PCED1B: variants seen among roughly 807,000 people sequenced by gnomAD.
PCED1B encodes PC-esterase domain-containing protein 1B.
For synonymous variants in PCED1B, 251 were observed against 246.1 expected (o/e 1.02, Z -0.19); for missense variants, 573 against 573.9 (o/e 1.00, Z 0.02).
intron 2 of PCED1B, among the ~76,000 whole-genome samples, chr12:47,202,669 T>C (rs1942802744): frequency 6.6e-6 from 1 of 150,482 alleles, no homozygotes; most frequent in African/African-American, 2.4e-5. Context: ...GTTTTACCTA[T>C]GCAGTAACTT....
intron 3 of PCED1B, among the ~76,000 whole-genome samples, chr12:47,217,043 T>C (rs1299228842): frequency 1.3e-5 from 2 of 152,168 alleles, no homozygotes; most frequent in Non-Finnish European, 2.9e-5. Flanking sequence ...TCTTATAAAA[T>C]GGATGACCTT....
chr12:47,124,089 A>T (rs949847971), intron 2 of PCED1B, among the ~76,000 whole-genome samples: 12 of 152,138 alleles, frequency 7.9e-5, no homozygotes, highest in African/African-American at 2.9e-4. Flanking sequence ...TCACACATGT[A>T]TACTGCCCAC....
At chr12:47,213,338 T>C (rs1218037781) in intron 2 of PCED1B, among the ~76,000 whole-genome samples, 1 of 149,474 alleles carries the variant, frequency 6.7e-6, no homozygotes, top group East Asian at 2.0e-4. Context: ...ATCAAAAATA[T>C]GTGGACTGTT....
intron 2 of PCED1B, among the ~76,000 whole-genome samples, chr12:47,142,319 C>G (rs1425727736): frequency 1.3e-5 from 2 of 152,120 alleles, no homozygotes; most frequent in African/African-American, 4.8e-5. Flanking sequence ...ATGGACCTAA[C>G]AAGAGGTCTT....
intron 3 of PCED1B, among the ~76,000 whole-genome samples, chr12:47,219,296 T>C (rs1210284684): frequency 1.3e-5 from 2 of 152,138 alleles, no homozygotes; most frequent in African/African-American, 4.8e-5. Context: ...GGAGCATAGG[T>C]GCTATTTCCC....
At chr12:47,133,055 T>C (rs1406806831) in intron 2 of PCED1B, among the ~76,000 whole-genome samples, 1 of 152,232 alleles carries the variant, frequency 6.6e-6, no homozygotes, top group Non-Finnish European at 1.5e-5. Flanking sequence ...TTCCCCTGTT[T>C]CTTACAAAGG....
intron 2 of PCED1B, among the ~76,000 whole-genome samples, chr12:47,179,651 T>C (rs1942033740): frequency 6.6e-6 from 1 of 152,200 alleles, no homozygotes; most frequent in African/African-American, 2.4e-5. Flanking sequence ...TGCTTCATAA[T>C]TCTGAACATC....
intron 2 of PCED1B, among the ~76,000 whole-genome samples, chr12:47,195,343 A>G (rs563556049): frequency 1.1e-4 from 17 of 149,812 alleles, no homozygotes; most frequent in African/African-American, 4.1e-4. Flanking sequence ...AAAAAAAAAG[A>G]AAAAAAGAAA....
At chr12:47,178,879 A>G (rs943926347) in intron 2 of PCED1B, among the ~76,000 whole-genome samples, 3 of 151,860 alleles carry the variant, frequency 2.0e-5, no homozygotes, top group Admixed American at 6.6e-5. Context: ...AAAAAAAAAA[A>G]AAAAGAAAAG....
Position 47,090,516 on chromosome 12 carries a change from A to G in PCED1B, c.-609+10791A>G, listed in dbSNP as rs532000857. ...CATGTACCATGCATAGAACCGGAGT[A>G]CCAGAGTAAAGGCAACCACACCCTT... On this transcript the variant is annotated intron_variant, in intron 1 of 3. Coordinates refer to ENST00000546455, the MANE Select transcript of PCED1B (RefSeq NM_138371.3). Among the ~76,000 whole-genome samples the G allele has an allele frequency of 9.2e-5, 14 of 152,306 alleles. No individual in the cohort carries two copies. The East Asian group carries it at 1.9e-3, about 21-fold the overall frequency.
chr12:47,114,094 T>C (rs1053868259), intron 2 of PCED1B, among the ~76,000 whole-genome samples: 7 of 152,166 alleles, frequency 4.6e-5, no homozygotes, highest in Admixed American at 3.3e-4. Flanking sequence ...TGACTACAGA[T>C]TTACTGGGCT....
chr12:47,171,065 CT>C (rs71437788), intron 2 of PCED1B, among the ~76,000 whole-genome samples: 1,529 of 121,318 alleles, frequency 0.013, 12 homozygotes, highest in African/African-American at 0.04. Context: ...GCCAGGTTAC[CT>C]TTTTTTTTTT....
intron 2 of PCED1B, among the ~76,000 whole-genome samples, chr12:47,109,355 CTTT>C (rs66532090): frequency 0.015 from 2,215 of 147,360 alleles, 41 homozygotes; most frequent in African/African-American, 0.039. Flanking sequence ...ACTTGAAAAA[CTTT>C]TTTTTTTTTT....
At chr12:47,136,832 A>C (rs1940392609) in intron 2 of PCED1B, among the ~76,000 whole-genome samples, 1 of 152,206 alleles carries the variant, frequency 6.6e-6, no homozygotes, top group African/African-American at 2.4e-5. Context: ...CTAGAAGACA[A>C]GTCATAGTTC....
At chr12:47,126,486 G>T (rs1325601740) in intron 2 of PCED1B, among the ~76,000 whole-genome samples, 1 of 151,978 alleles carries the variant, frequency 6.6e-6, no homozygotes, top group Admixed American at 6.6e-5. Context: ...CAACATCTTT[G>T]GTTTTGGTAT....
At chr12:47,103,168 A>T (rs1938791121) in intron 1 of PCED1B, among the ~76,000 whole-genome samples, 1 of 152,212 alleles carries the variant, frequency 6.6e-6, no homozygotes, top group Non-Finnish European at 1.5e-5. Context: ...GGACTGTCTG[A>T]ATCTCCATGA....
chr12:47,122,950 G>C (rs75842462), intron 2 of PCED1B, among the ~76,000 whole-genome samples: 11,859 of 152,210 alleles, frequency 0.078, 726 homozygotes, highest in African/African-American at 0.17. Flanking sequence ...ATTTTCTTTT[G>C]CTACTTTCTC....
At chr12:47,203,819 T>C (rs1320637820) in intron 2 of PCED1B, among the ~76,000 whole-genome samples, 1 of 152,186 alleles carries the variant, frequency 6.6e-6, no homozygotes, top group African/African-American at 2.4e-5. Context: ...TTCCTTTGGG[T>C]ATATACCCGG....
chr12:47,140,602 C>A (rs961279532), intron 2 of PCED1B, among the ~76,000 whole-genome samples: 1 of 152,126 alleles, frequency 6.6e-6, no homozygotes, highest in African/African-American at 2.4e-5. Context: ...GAAAACACAA[C>A]CAAGATTGAA....
Sources: allele counts gnomAD v4.1 joint callset (sites outside exome capture counted in the v4.1 genomes callset), GRCh38; gene constraint gnomAD v4.1.1; transcripts MANE v1.5; gene names NCBI Gene and HGNC (gene_info 2026-07-23, HGNC 2026-07-21).